SCHIP1: variants seen among roughly 807,000 people sequenced by gnomAD.
SCHIP1 encodes schwannomin-interacting protein 1.
In SCHIP1, 8 loss-of-function variants were observed where a neutral mutation model predicts 29.7. That is an observed-to-expected ratio of 0.27 (90% confidence interval 0.16 to 0.49). SCHIP1 has a LOEUF of 0.49. SCHIP1 is among the 20% of genes least tolerant of loss of function. The probability of loss-of-function intolerance (pLI) is 0.99; values close to 1 mark genes in which losing one functional copy is unlikely to be tolerated. For synonymous variants in SCHIP1, 76 were observed against 94.9 expected (o/e 0.80, Z 1.16); for missense variants, 193 against 294.6 (o/e 0.66, Z 2.52).
the SCHIP1 span, among the ~76,000 whole-genome samples, chr3:159,745,773 C>T: frequency 6.6e-6 from 1 of 152,132 alleles, no homozygotes; most frequent in South Asian, 2.1e-4. Context: ...AGAAATCATC[C>T]TATTTTATCC....
the SCHIP1 span, among the ~76,000 whole-genome samples, chr3:159,670,938 A>G: frequency 1.3e-5 from 2 of 152,228 alleles, no homozygotes; most frequent in African/African-American, 4.8e-5. Flanking sequence ...GCAAAGCCCA[A>G]TGCAAAATGA....
At chr3:159,798,944 TGA>T in the SCHIP1 span, among the ~76,000 whole-genome samples, 11 of 152,334 alleles carry the variant, frequency 7.2e-5, no homozygotes, top group African/African-American at 2.4e-4. Context: ...CCTTATTTCT[TGA>T]ACTTTTGCTT....
chr3:159,808,210 G>T, the SCHIP1 span, among the ~76,000 whole-genome samples: 88 of 152,268 alleles, frequency 5.8e-4, 1 homozygote, highest in East Asian at 0.015. Flanking sequence ...TTATAAGCAA[G>T]GACTGCTCTG....
At chr3:159,494,833 T>C in the SCHIP1 span, among the ~76,000 whole-genome samples, 1 of 152,214 alleles carries the variant, frequency 6.6e-6, no homozygotes, top group African/African-American at 2.4e-5. Flanking sequence ...ATATCCTTGA[T>C]GAACATTGAT....
chr3:159,641,061 A>T, the SCHIP1 span, among the ~76,000 whole-genome samples: 1 of 152,158 alleles, frequency 6.6e-6, no homozygotes, highest in African/African-American at 2.4e-5. Flanking sequence ...GGTATCCAAC[A>T]TTCTCATAAA....
At chr3:159,565,637 T>G in the SCHIP1 span, among the ~76,000 whole-genome samples, 1 of 152,078 alleles carries the variant, frequency 6.6e-6, no homozygotes, top group Non-Finnish European at 1.5e-5. Context: ...TTACATGTGC[T>G]CATAAGTTCC....
chr3:159,338,786 A>G, the SCHIP1 span, among the ~76,000 whole-genome samples: 1 of 152,200 alleles, frequency 6.6e-6, no homozygotes, highest in Non-Finnish European at 1.5e-5. Flanking sequence ...ATGGTTTTTA[A>G]GACATTTTCC....
At chr3:159,883,879 G>C (rs1170629266) in intron 2 of SCHIP1, among the ~76,000 whole-genome samples, 2 of 151,744 alleles carry the variant, frequency 1.3e-5, no homozygotes, top group Non-Finnish European at 2.9e-5. Context: ...TCCTGAGTTA[G>C]ACTATATGGG....
intron 6 of SCHIP1, among the ~76,000 whole-genome samples, chr3:159,895,745 G>A (rs752591697): frequency 5.3e-5 from 8 of 152,304 alleles, no homozygotes; most frequent in Non-Finnish European, 1.0e-4. Context: ...ACCCAGGCTG[G>A]AGTGCAATGG....
the SCHIP1 span, among the ~76,000 whole-genome samples, chr3:159,463,741 G>GATATATAT: frequency 5.3e-4 from 79 of 149,540 alleles, no homozygotes; most frequent in African/African-American, 1.4e-3. Context: ...AACAGAATGA[G>GATATATAT]ATATATATAT....
chr3:159,339,255 T>C, the SCHIP1 span, among the ~76,000 whole-genome samples: 3 of 138,624 alleles, frequency 2.2e-5, no homozygotes, highest in South Asian at 4.6e-4. Context: ...TCATTAGAAT[T>C]AAAAAAAAAA....
the SCHIP1 span, among the ~76,000 whole-genome samples, chr3:159,760,096 A>C: frequency 7.5e-6 from 1 of 134,206 alleles, no homozygotes; most frequent in Non-Finnish European, 1.6e-5. Flanking sequence ...GGTGGGGGGG[A>C]TATACAGCAC....
At chr3:159,408,912 A>AACAAT in the SCHIP1 span, among the ~76,000 whole-genome samples, 1 of 152,206 alleles carries the variant, frequency 6.6e-6, no homozygotes, top group East Asian at 1.9e-4. Flanking sequence ...AACCAAATTC[A>AACAAT]ACAATACATT....
the SCHIP1 span, among the ~76,000 whole-genome samples, chr3:159,694,400 A>G: frequency 1.3e-5 from 2 of 152,022 alleles, no homozygotes; most frequent in African/African-American, 4.8e-5. Context: ...GGTGCCTGTA[A>G]TCCCAGCCAT....
the SCHIP1 span, among the ~76,000 whole-genome samples, chr3:159,394,246 C>A: frequency 6.6e-6 from 1 of 150,952 alleles, no homozygotes; most frequent in Non-Finnish European, 1.5e-5. Context: ...GATATACAAT[C>A]ATGTCGTCTG....
chr3:159,583,633 T>C, the SCHIP1 span, among the ~76,000 whole-genome samples: 2,354 of 152,212 alleles, frequency 0.015, 63 homozygotes, highest in African/African-American at 0.053. Flanking sequence ...GACATGGTAA[T>C]TGCTTCAAAA....
the SCHIP1 span, among the ~76,000 whole-genome samples, chr3:159,648,198 A>G: frequency 6.6e-6 from 1 of 152,152 alleles, no homozygotes; most frequent in Non-Finnish European, 1.5e-5. Flanking sequence ...AAGTGACAGG[A>G]AAGAGTGTTG....
the SCHIP1 span, among the ~76,000 whole-genome samples, chr3:159,712,842 A>AAGAAAGAGAGAG: frequency 8.1e-4 from 118 of 144,874 alleles, 2 homozygotes; most frequent in East Asian, 0.02. Context: ...GAAAGAAAGA[A>AAGAAAGAGAGAG]AGAAAGAGAG....
At chr3:159,334,443 C>A in the SCHIP1 span, among the ~76,000 whole-genome samples, 140 of 152,212 alleles carry the variant, frequency 9.2e-4, 1 homozygote, top group Non-Finnish European at 1.4e-3. Flanking sequence ...AATTTAGATG[C>A]AGTATTACTA....
Sources: allele counts gnomAD v4.1 joint callset (sites outside exome capture counted in the v4.1 genomes callset), GRCh38; gene constraint gnomAD v4.1.1; transcripts MANE v1.5; gene names NCBI Gene and HGNC (gene_info 2026-07-23, HGNC 2026-07-21).